Variants in PCDH7 observed in about 807,000 individuals in gnomAD.
PCDH7 encodes the protein protocadherin 7.
Under a neutral mutation model 58.9 loss-of-function variants are expected in PCDH7, and 17 were observed. The observed-to-expected ratio is 0.29, with a 90% CI of 0.20 to 0.43. PCDH7 has a LOEUF of 0.43. Among genes scored for constraint, PCDH7 ranks in the 20% least tolerant of loss-of-function variants. The probability of loss-of-function intolerance (pLI) is 1.00; values close to 1 mark genes in which losing one functional copy is unlikely to be tolerated. For missense variants in PCDH7, 1,274 were observed against 1,441.0 expected, an observed-to-expected ratio of 0.88 and a Z score of 1.88; for synonymous variants, 664 against 616.4, an observed-to-expected ratio of 1.08 and a Z score of -1.14.
At chr4:30,790,852 G>T (rs1724022911) in intron 1 of PCDH7, among the ~76,000 whole-genome samples, 1 of 152,028 alleles carries the variant, frequency 6.6e-6, no homozygotes, top group Non-Finnish European at 1.5e-5. Flanking sequence ...GAGCCTGGGA[G>T]GTCAAGGCTG....
chr4:30,801,973 A>G (rs1244944691), intron 1 of PCDH7, among the ~76,000 whole-genome samples: 3 of 152,176 alleles, frequency 2.0e-5, no homozygotes, highest in African/African-American at 7.2e-5. Flanking sequence ...ACATTTTTTG[A>G]CTAACAGTCC....
intron 3 of PCDH7, among the ~76,000 whole-genome samples, chr4:31,018,536 A>C (rs531690033): frequency 6.6e-6 from 1 of 152,320 alleles, no homozygotes; most frequent in Non-Finnish European, 1.5e-5. Context: ...TTTCAATCCC[A>C]AAATAAAAGC....
chr4:31,105,345 G>T (rs1715419848), intron 3 of PCDH7, among the ~76,000 whole-genome samples: 1 of 152,120 alleles, frequency 6.6e-6, no homozygotes, highest in Admixed American at 6.6e-5. Context: ...GCATGTGAAT[G>T]AATCACAAAA....
At chr4:31,032,641 C>T (rs1361748139) in intron 3 of PCDH7, among the ~76,000 whole-genome samples, 5 of 103,528 alleles carry the variant, frequency 4.8e-5, no homozygotes, top group Admixed American at 4.3e-4. Context: ...AGAAAGAAAG[C>T]GACAGAGAGA....
intron 1 of PCDH7, among the ~76,000 whole-genome samples, chr4:30,773,758 T>A (rs1476205499): frequency 6.6e-6 from 1 of 152,154 alleles, no homozygotes; most frequent in Admixed American, 6.5e-5. Context: ...GAGGGAAAAC[T>A]TCACTTCATC....
intron 1 of PCDH7, among the ~76,000 whole-genome samples, chr4:30,859,271 C>G (rs553248478): frequency 6.6e-6 from 1 of 152,022 alleles, no homozygotes; most frequent in South Asian, 2.1e-4. Context: ...CATTTTAAAT[C>G]GTTTATCAAT....
intron 3 of PCDH7, among the ~76,000 whole-genome samples, chr4:31,107,925 G>T (rs1715785007): frequency 6.6e-6 from 1 of 152,004 alleles, no homozygotes; most frequent in South Asian, 2.1e-4. Context: ...ATTAGTAGTT[G>T]TTATTAAATT....
chr4:30,909,008 A>G (rs575732780), intron 1 of PCDH7, among the ~76,000 whole-genome samples: 1 of 152,150 alleles, frequency 6.6e-6, no homozygotes, highest in South Asian at 2.1e-4. Flanking sequence ...CATCCCTGGG[A>G]TGCAAGGCTG....
chr4:30,910,771 C>T (rs1017423899), intron 1 of PCDH7, among the ~76,000 whole-genome samples: 1 of 152,098 alleles, frequency 6.6e-6, no homozygotes, highest in Non-Finnish European at 1.5e-5. Context: ...GGATCTAGAA[C>T]TAGAAATACC....
intron 1 of PCDH7, among the ~76,000 whole-genome samples, chr4:30,728,294 TATAGAGAGAGAG>T (rs1714931790): frequency 1.6e-5 from 2 of 127,834 alleles, no homozygotes; most frequent in South Asian, 2.6e-4. Context: ...TATATATATA[TATAGAGAGAGAG>T]AGAGAGAGAG....
chr4:30,977,279 A>C (rs536990306), intron 3 of PCDH7, among the ~76,000 whole-genome samples: 1 of 152,268 alleles, frequency 6.6e-6, no homozygotes, highest in South Asian at 2.1e-4. Context: ...TACAATTATC[A>C]TTTTAATAAA....
At chr4:30,824,145 TTC>T (rs1205775527) in intron 1 of PCDH7, among the ~76,000 whole-genome samples, 2 of 138,610 alleles carry the variant, frequency 1.4e-5, no homozygotes, top group Non-Finnish European at 3.1e-5. Flanking sequence ...CTTTCTTTCT[TTC>T]TTTCTTTCTT....
chr4:30,965,676 A>G (rs1748931490), intron 3 of PCDH7, among the ~76,000 whole-genome samples: 1 of 152,080 alleles, frequency 6.6e-6, no homozygotes, highest in Non-Finnish European at 1.5e-5. Context: ...CTATGCCATC[A>G]TTTAAAGAAA....
chr4:30,950,567 T>C (rs2109447237), intron 3 of PCDH7, among the ~76,000 whole-genome samples: 1 of 152,306 alleles, frequency 6.6e-6, no homozygotes, highest in East Asian at 1.9e-4. Context: ...TCTTTGAAAG[T>C]ATAAAACAGG....
chr4:30,762,461 G>C (rs548463377), intron 1 of PCDH7, among the ~76,000 whole-genome samples: 4 of 151,968 alleles, frequency 2.6e-5, no homozygotes, highest in Non-Finnish European at 5.9e-5. Context: ...GTTATTTGTC[G>C]GAAGTTATTT....
At chr4:31,016,783 T>C (rs1045714436) in intron 3 of PCDH7, among the ~76,000 whole-genome samples, 1 of 150,562 alleles carries the variant, frequency 6.6e-6, no homozygotes, top group African/African-American at 2.4e-5. Context: ...ATAAGGGCTA[T>C]TGTGTGTGTG....
chr4:30,783,653 A>C (rs1470757893), intron 1 of PCDH7, among the ~76,000 whole-genome samples: 1 of 152,114 alleles, frequency 6.6e-6, no homozygotes, highest in African/African-American at 2.4e-5. Flanking sequence ...GTTTATTCCT[A>C]TGTGTGGGTG....
At chr4:30,805,095 A>G (rs1441996050) in intron 1 of PCDH7, among the ~76,000 whole-genome samples, 2 of 152,102 alleles carry the variant, frequency 1.3e-5, no homozygotes, top group African/African-American at 2.4e-5. Context: ...GTATCACTCT[A>G]TTTACTTGGT....
At chr4:30,973,496 T>C (rs1319345250) in intron 3 of PCDH7, among the ~76,000 whole-genome samples, 1 of 152,188 alleles carries the variant, frequency 6.6e-6, no homozygotes, top group Non-Finnish European at 1.5e-5. Context: ...GATTGTTTTA[T>C]TTACATTCGA....
Sources: allele counts gnomAD v4.1 joint callset (sites outside exome capture counted in the v4.1 genomes callset), GRCh38; gene constraint gnomAD v4.1.1; transcripts MANE v1.5; gene names NCBI Gene and HGNC (gene_info 2026-07-23, HGNC 2026-07-21).